The following MMP26 variants were observed in gnomAD, a reference collection of about 807,000 sequenced individuals.
The protein encoded by MMP26 is matrix metalloproteinase-26.
A neutral mutation model predicts 31.0 loss-of-function variants in MMP26; 33 were observed. That is an observed-to-expected ratio of 1.06 (90% CI 0.81 to 1.42). The LOEUF is 1.42. Ranked by LOEUF, MMP26 falls within the 40% of genes most tolerant of loss-of-function variation. MMP26 has a pLI of 0.00. For missense variants in MMP26, 347 were observed against 316.1 expected, an observed-to-expected ratio of 1.10 and a Z score of -0.74; for synonymous variants, 122 against 114.9, an observed-to-expected ratio of 1.06 and a Z score of -0.40.
chr11:4,907,779 C>A (rs1850923196), intron 2 of MMP26: 1 of 1,614,098 alleles, frequency 6.2e-7, no homozygotes, highest in African/African-American at 1.3e-5. Context: ...TCTATCCTCA[C>A]TAGCAACAGG....
At chr11:4,899,855 G>A (rs984391311) in intron 2 of MMP26, among the ~76,000 whole-genome samples, 5 of 152,006 alleles carry the variant, frequency 3.3e-5, no homozygotes, top group African/African-American at 9.7e-5. Context: ...CTGAAAATGA[G>A]GACCTTTAGC....
At chr11:4,759,903 G>A (rs11033741) in intron 1 of MMP26, among the ~76,000 whole-genome samples, 9 of 152,104 alleles carry the variant, frequency 5.9e-5, no homozygotes, top group African/African-American at 1.7e-4. Context: ...TTCTGCATTC[G>A]CCACTACCCA....
chr11:4,834,407 C>A (rs750530350), intron 2 of MMP26, among the ~76,000 whole-genome samples: 2 of 152,140 alleles, frequency 1.3e-5, no homozygotes, highest in Admixed American at 6.5e-5. Flanking sequence ...CAATGATCTC[C>A]TAATGAGAAA....
intron 2 of MMP26, among the ~76,000 whole-genome samples, chr11:4,845,542 T>G (rs996775646): frequency 6.6e-6 from 1 of 152,084 alleles, no homozygotes; most frequent in Non-Finnish European, 1.5e-5. Context: ...GGGTAAAAAT[T>G]TCTTGAGCAA....
At chr11:4,830,667 A>G (rs1187802717) in intron 2 of MMP26, among the ~76,000 whole-genome samples, 5 of 152,224 alleles carry the variant, frequency 3.3e-5, no homozygotes, top group East Asian at 1.9e-4. Flanking sequence ...ATACCATTAC[A>G]TAGCCATACC....
At chr11:4,873,822 G>A (rs766797517) in intron 2 of MMP26, among the ~76,000 whole-genome samples, 14 of 152,006 alleles carry the variant, frequency 9.2e-5, no homozygotes, top group Non-Finnish European at 1.3e-4. Context: ...TTAAAGAAGC[G>A]AGGAATTAAG....
At chr11:4,726,255 T>A (rs1848098192) in intron 1 of MMP26, among the ~76,000 whole-genome samples, 1 of 152,034 alleles carries the variant, frequency 6.6e-6, no homozygotes, top group Non-Finnish European at 1.5e-5. Flanking sequence ...GGAGAATGGA[T>A]CACTTGAGGT....
intron 2 of MMP26, among the ~76,000 whole-genome samples, chr11:4,967,528 G>C (rs865847): frequency 0.1 from 15,579 of 152,162 alleles, 1,557 homozygotes; most frequent in East Asian, 0.28. Context: ...AGGTCCCCAA[G>C]ATATTCTGAG....
At chr11:4,773,579 G>C (rs975086491) in intron 2 of MMP26, among the ~76,000 whole-genome samples, 1 of 150,096 alleles carries the variant, frequency 6.7e-6, no homozygotes, top group Non-Finnish European at 1.5e-5. Context: ...GAATTCAGAG[G>C]TGTAGTGTTT....
intron 2 of MMP26, among the ~76,000 whole-genome samples, chr11:4,778,690 A>G (rs1564907595): frequency 6.6e-6 from 1 of 152,044 alleles, no homozygotes; most frequent in South Asian, 2.1e-4. Context: ...TATATATGCC[A>G]TTTTTGAAAG....
chr11:4,882,718 G>GGCA, intron 2 of MMP26: 1 of 1,613,932 alleles, frequency 6.2e-7, no homozygotes, highest in Non-Finnish European at 8.5e-7. Flanking sequence ...CCCCAAGGGT[G>GGCA]CTCTGTAGCA....
At chr11:4,940,946 C>G (rs982858657) in intron 2 of MMP26, among the ~76,000 whole-genome samples, 10 of 152,100 alleles carry the variant, frequency 6.6e-5, no homozygotes, top group African/African-American at 2.4e-4. Context: ...ATTATACTCC[C>G]CTGTCTATAG....
At chr11:4,790,876 G>A (rs563116531) in intron 2 of MMP26, among the ~76,000 whole-genome samples, 30 of 152,230 alleles carry the variant, frequency 2.0e-4, no homozygotes, top group African/African-American at 7.2e-4. Flanking sequence ...TAAAAATAAA[G>A]GTGCTAAGAC....
At chr11:4,706,618 AAGAAAAG>A (rs202127242) in intron 1 of MMP26, among the ~76,000 whole-genome samples, 134 of 141,758 alleles carry the variant, frequency 9.5e-4, no homozygotes, top group African/African-American at 3.7e-3. Flanking sequence ...GAAAGAAAGA[AAGAAAAG>A]AACACTTAAC....
At chr11:4,713,846 A>G (rs34545455) in intron 1 of MMP26, among the ~76,000 whole-genome samples, 14,602 of 152,016 alleles carry the variant, frequency 0.096, 968 homozygotes, top group Non-Finnish European at 0.15. Context: ...TTTTAAGAAA[A>G]TTTTAACAAC....
chr11:4,869,990 C>G (rs1330887758), intron 2 of MMP26, among the ~76,000 whole-genome samples: 1 of 152,118 alleles, frequency 6.6e-6, no homozygotes, highest in Non-Finnish European at 1.5e-5. Flanking sequence ...CCAAACACCA[C>G]ATGTTCTCAC....
At chr11:4,750,841 C>T (rs535239809) in intron 1 of MMP26, among the ~76,000 whole-genome samples, 16 of 151,860 alleles carry the variant, frequency 1.1e-4, no homozygotes, top group African/African-American at 3.4e-4. Context: ...ATTTGTATGA[C>T]GCCTATACTA....
intron 2 of MMP26, chr11:4,803,563 C>A (rs370070710): frequency 1.2e-6 from 2 of 1,613,760 alleles, no homozygotes; most frequent in African/African-American, 1.3e-5. Context: ...GTGTACAACT[C>A]GGGGCACATC....
At chr11:4,803,599 G>C in intron 2 of MMP26, 2 of 1,613,824 alleles carry the variant, frequency 1.2e-6, no homozygotes, top group Non-Finnish European at 1.7e-6. Context: ...GGTGAGGAAA[G>C]AAAAAAGGGC....
Sources: gnomAD v4.1 joint callset for allele counts (sites outside exome capture counted in the v4.1 genomes callset) on GRCh38, gnomAD v4.1.1 for gene constraint, MANE v1.5 for transcripts, NCBI Gene and HGNC (gene_info 2026-07-23, HGNC 2026-07-21) for gene names.